Variants in CSMD1 observed in about 807,000 individuals in gnomAD.
CSMD1 encodes the protein CUB and sushi domain-containing protein 1.
CSMD1 carries 213 observed loss-of-function variants against 417.5 expected under a neutral mutation model. The observed-to-expected ratio is 0.51, with a 90% CI of 0.46 to 0.57. The LOEUF (loss-of-function observed/expected upper bound fraction) is 0.57, where lower values mean the gene tolerates loss of function less well. Among genes scored for constraint, CSMD1 ranks in the 20% least tolerant of loss-of-function variants. CSMD1 has a pLI of 0.00. For missense variants in CSMD1, 6,923 were observed against 4,529.7 expected (o/e 1.53, Z -15.17); for synonymous variants, 2,862 against 1,736.8 (o/e 1.65, Z -16.11).
chr8:3,909,811 T>C (rs553820487), intron 5 of CSMD1, among the ~76,000 whole-genome samples: 84 of 152,266 alleles, frequency 5.5e-4, no homozygotes, highest in South Asian at 3.3e-3. Context: ...CATCACAATT[T>C]TGCATGGTGA....
Position 2,962,498 on chromosome 8 carries a change from C to A in CSMD1, c.9596G>T (p.Gly3199Val). Residue 3199 changes from glycine (G) to valine (V), a missense_variant, in exon 61 of 70, where the codon GGC becomes GTC. By Grantham distance (109) the Gly-to-Val change is moderately radical (BLOSUM62 -3). Transcript: ENST00000635120. ...GGTGGGTTGTATGCCGCTCCACGTG[C>A]CGTCAGCTTGGCAGACTCTTCTGGA... is the stretch of plus-strand genomic sequence containing the variant. Reference protein sequence around the residue: ...GSSRRVCQADGTWSGIQPTCI... With the variant: ...GSSRRVCQADVTWSGIQPTCI... 6.2e-7 allele frequency: 1 copy of A among 1,613,878 alleles called. No homozygotes were observed. The highest frequency in any genetic ancestry group is 8.5e-7 in the Non-Finnish European group (1 of 1,179,820).
chr8:3,308,458 C>A lies in CSMD1; in HGVS notation c.3677G>T (p.Gly1226Val). 6.2e-7 allele frequency: 1 copy of A among 1,613,594 alleles called. No homozygotes were observed. Among genetic ancestry groups the A allele is most frequent in the Non-Finnish European group, 8.5e-7 (1 of 1,179,700 alleles). ...GTGGCCTTCATCACGGATCCTATAG[C>A]CGTAGTTAGGGATGCCCGGATCCTC... Reference protein sequence around the residue: ...KCEDPGIPNYGYRIRDEGHFT... With the variant: ...KCEDPGIPNYVYRIRDEGHFT... Residue 1226 changes from glycine (G) to valine (V), a missense_variant, in exon 24 of 70, where the codon GGC becomes GTC. Transcript: ENST00000635120.
intron 3 of CSMD1, among the ~76,000 whole-genome samples, chr8:4,361,059 T>C (rs1159092675): frequency 6.6e-6 from 1 of 152,198 alleles, no homozygotes; most frequent in African/African-American, 2.4e-5. Flanking sequence ...AACTGGATTT[T>C]TCGTGCCCAA....
Position 4,036,511 on chromosome 8 carries a change from G to A in CSMD1, c.416-4412C>T, listed in dbSNP as rs558581769. ...AACACCCATCTCTTCAAACTTCCAA[G>A]AGACAGCTACTACCATAAAATTGAA... On this transcript the variant is annotated intron_variant, in intron 3 of 69. Transcript: ENST00000635120. Among the ~76,000 whole-genome samples, 134 of 152,270 alleles carry A rather than the reference G, an allele frequency of 8.8e-4. 1 individual carries two copies. Among genetic ancestry groups the A allele is most frequent in the Non-Finnish European group, 5.7e-4 (39 of 68,030 alleles).
chr8:4,004,055 A>G (rs577440535), intron 4 of CSMD1, among the ~76,000 whole-genome samples: 2 of 152,202 alleles, frequency 1.3e-5, no homozygotes, highest in African/African-American at 4.8e-5. Flanking sequence ...AAACAGAAAA[A>G]AGGGTATAAT....
chr8:4,304,305 T>C (rs748094912), intron 3 of CSMD1, among the ~76,000 whole-genome samples: 3 of 152,232 alleles, frequency 2.0e-5, no homozygotes, highest in Non-Finnish European at 2.9e-5. Context: ...ATATAGAATA[T>C]ATAGAAGATA....
At chr8:4,348,648 G>GGAGAGA (rs750381880) in intron 3 of CSMD1, among the ~76,000 whole-genome samples, 2 of 110,502 alleles carry the variant, frequency 1.8e-5, no homozygotes, top group Non-Finnish European at 3.8e-5. Context: ...AGAGGGAGGG[G>GGAGAGA]GAGAGAGAGA....
intron 50 of CSMD1, 58 bp downstream of exon 50, chr8:3,052,404 A>C: frequency 7.1e-7 from 1 of 1,414,918 alleles, no homozygotes; most frequent in Non-Finnish European, 9.5e-7. Context: ...ACTTCTCCCG[A>C]AAGCATTCAG....
chr8:4,799,598 C>CAAA lies in CSMD1; in HGVS notation c.86-162043_86-162041dup, dbSNP rs1168273531. On this transcript the variant is annotated intron_variant, in intron 1 of 69. Transcript: ENST00000635120. ...TGTGTGAGAGAGCAAGACTCCGTCT[C>CAAA]AAAAAAAAAAAAAAAAAAAAAAAAA... 7.8e-3 allele frequency among the ~76,000 whole-genome samples: 367 copies of CAAA among 47,168 alleles called. 48 individuals are homozygous for CAAA. The highest frequency in any genetic ancestry group is 9.8e-3 in the Non-Finnish European group (289 of 29,588). 30.9% of individuals were successfully genotyped at this position (47,168 alleles called of 152,430 possible).
chr8:3,959,583 C>T (rs189412213), intron 5 of CSMD1, among the ~76,000 whole-genome samples: 1 of 152,312 alleles, frequency 6.6e-6, no homozygotes, highest in African/African-American at 2.4e-5. Context: ...CTCTTTTAAT[C>T]TAAAAATAAT....
At chr8:4,333,519 A>C (rs954571584) in intron 3 of CSMD1, among the ~76,000 whole-genome samples, 1 of 152,202 alleles carries the variant, frequency 6.6e-6, no homozygotes, top group Non-Finnish European at 1.5e-5. Flanking sequence ...CTCATTTCAT[A>C]AAGTGCTTAA....
intron 5 of CSMD1, among the ~76,000 whole-genome samples, chr8:3,960,366 C>G (rs1343770585): frequency 1.3e-5 from 2 of 152,140 alleles, no homozygotes; most frequent in African/African-American, 4.8e-5. Context: ...CATCACGCTA[C>G]TACTTAAAAG....
At chr8:4,453,500 T>G (rs973822733) in intron 2 of CSMD1, among the ~76,000 whole-genome samples, 1 of 152,196 alleles carries the variant, frequency 6.6e-6, no homozygotes, top group Non-Finnish European at 1.5e-5. Flanking sequence ...CCATGCATCC[T>G]TCAGGCCTTC....
chr8:4,308,434 T>TG (rs1415958887), intron 3 of CSMD1, among the ~76,000 whole-genome samples: 1 of 151,898 alleles, frequency 6.6e-6, no homozygotes, highest in African/African-American at 2.4e-5. Context: ...AGTCTGATGA[T>TG]GGGAAAAAAG....
intron 10 of CSMD1, among the ~76,000 whole-genome samples, chr8:3,497,147 G>A (rs1021560587): frequency 6.6e-6 from 1 of 152,140 alleles, no homozygotes; most frequent in Admixed American, 6.5e-5. Context: ...TTCTGTAAAT[G>A]TCCGTTAGGT....
intron 26 of CSMD1, among the ~76,000 whole-genome samples, chr8:3,269,881 G>C (rs1359670188): frequency 6.6e-6 from 1 of 152,110 alleles, no homozygotes; most frequent in East Asian, 1.9e-4. Flanking sequence ...TATCTCATGA[G>C]CCTCTAAAGC....
chr8:3,936,429 C>G (rs1162590171), intron 5 of CSMD1, among the ~76,000 whole-genome samples: 4 of 152,154 alleles, frequency 2.6e-5, no homozygotes, highest in African/African-American at 9.7e-5. Context: ...GACAGGCTGA[C>G]TCTCTTCTTA....
intron 5 of CSMD1, among the ~76,000 whole-genome samples, chr8:3,881,776 G>T (rs534518433): frequency 2.6e-5 from 4 of 152,058 alleles, no homozygotes; most frequent in South Asian, 4.2e-4. Context: ...GACTCTGAAT[G>T]GTCGATGCAA....
chr8:4,993,735 G>C (rs1419527031), intron 1 of CSMD1, among the ~76,000 whole-genome samples: 1 of 152,216 alleles, frequency 6.6e-6, no homozygotes, highest in African/African-American at 2.4e-5. Flanking sequence ...AGAGGAAAGC[G>C]GGGGCGACCT....
Sources: allele counts gnomAD v4.1 joint callset (sites outside exome capture counted in the v4.1 genomes callset), GRCh38; gene constraint gnomAD v4.1.1; transcripts MANE v1.5; gene names NCBI Gene and HGNC (gene_info 2026-07-23, HGNC 2026-07-21).